UBLCP1: variants seen among roughly 807,000 people sequenced by gnomAD.
UBLCP1 encodes ubiquitin like domain containing CTD phosphatase 1, also known as ubiquitin-like domain-containing CTD phosphatase 1.
A neutral mutation model predicts 42.4 loss-of-function variants in UBLCP1; 28 were observed. The ratio of observed to expected loss-of-function variants is 0.66; its 90% CI spans 0.49 to 0.90. The LOEUF (loss-of-function observed/expected upper bound fraction) is 0.90, where lower values mean the gene tolerates loss of function less well. UBLCP1 is among the 40% of genes least tolerant of loss of function. The probability of loss-of-function intolerance (pLI) is 0.00; values close to 1 mark genes in which losing one functional copy is unlikely to be tolerated. For missense variants in UBLCP1, 279 were observed against 374.5 expected (o/e 0.75, Z 2.10); for synonymous variants, 122 against 120.8 (o/e 1.01, Z -0.07).
chr5:159,275,406 T>A, intron 8 of UBLCP1, 160 bp downstream of exon 8: 12 of 170,726 alleles, frequency 7.0e-5, no homozygotes, highest in East Asian at 2.8e-4. Flanking sequence ...TTAAAAGATT[T>A]TTTTTTTTTT....
At chr5:159,268,033 G>C (rs1753419490) in intron 1 of UBLCP1, among the ~76,000 whole-genome samples, 1 of 151,430 alleles carries the variant, frequency 6.6e-6, no homozygotes, top group Non-Finnish European at 1.5e-5. Flanking sequence ...ATAAGATTTA[G>C]TCAGAAGACC....
chr5:159,281,857 T>G (rs1454706295), intron 9 of UBLCP1, among the ~76,000 whole-genome samples: 1 of 102,136 alleles, frequency 9.8e-6, no homozygotes, highest in Non-Finnish European at 2.0e-5. Flanking sequence ...TAATAACTAA[T>G]GACCAAAAAA....
In UBLCP1 at chr5:159,275,157, G is replaced by A. The variant is rs1753517870; in HGVS notation, c.595G>A (p.Val199Met). The change falls in exon 8 of 11, where the codon GTG becomes ATG. Residue 199 changes from valine to methionine, a missense_variant. Transcript: ENST00000296786. ...WIEAKMKELGVSTNANYKITF... is the reference protein window; with the variant it reads ...WIEAKMKELGMSTNANYKITF... ...ATATTTGTGTTTATAGGAGCTGGGAGTGAGCACAAATGCAAATTATAAGAT... is the reference window on the plus strand; with the variant it reads ...ATATTTGTGTTTATAGGAGCTGGGAATGAGCACAAATGCAAATTATAAGAT... 1 of 1,612,898 alleles carries A rather than the reference G, an allele frequency of 6.2e-7. No individual in the cohort carries two copies. The highest frequency in any genetic ancestry group is 1.7e-5 in the Admixed American group (1 of 60,000).
intron 9 of UBLCP1, among the ~76,000 whole-genome samples, chr5:159,282,531 C>T (rs1217037832): frequency 6.6e-6 from 1 of 152,078 alleles, no homozygotes; most frequent in African/African-American, 2.4e-5. Flanking sequence ...TAATTGCAGT[C>T]CCCTACCTCG....
At chr5:159,266,825 G>A (rs989271020) in intron 1 of UBLCP1, among the ~76,000 whole-genome samples, 6 of 152,234 alleles carry the variant, frequency 3.9e-5, no homozygotes, top group African/African-American at 1.4e-4. Context: ...TCAAGCCTTG[G>A]TAGCTTCCAT....
At chr5:159,270,882 GT>G (rs1448109065) in intron 5 of UBLCP1, among the ~76,000 whole-genome samples, 1 of 126,164 alleles carries the variant, frequency 7.9e-6, no homozygotes, top group African/African-American at 2.8e-5. Flanking sequence ...CTTTTAGACT[GT>G]TTGTATGGAT....
In UBLCP1 at chr5:159,278,313, A is replaced by G. The variant is rs1562100829; in HGVS notation, c.760A>G (p.Ile254Val). 1 of 1,613,896 alleles carries G rather than the reference A, an allele frequency of 6.2e-7. No individual in the cohort carries two copies. The highest frequency in any genetic ancestry group is 1.1e-5 in the South Asian group (1 of 91,074). The stretch of plus-strand genomic sequence containing the variant: ...GAAAAACACCATTATGTTTGATGAC[A>G]TAGGGAGAAATTTTCTAATGAACCC... ...SKKNTIMFDDIGRNFLMNPQN... is the reference protein window; with the variant it reads ...SKKNTIMFDDVGRNFLMNPQN... The change falls in exon 9 of 11, where the codon ATA becomes GTA. Residue 254 changes from isoleucine to valine, a missense_variant. Coordinates refer to ENST00000296786, the MANE Select transcript of UBLCP1 (RefSeq NM_145049.5).
chr5:159,277,171 G>A (rs1004736494), intron 8 of UBLCP1, among the ~76,000 whole-genome samples: 1 of 151,616 alleles, frequency 6.6e-6, no homozygotes, highest in East Asian at 1.9e-4. Flanking sequence ...TTCATTTCGT[G>A]GGGGGAGTAG....
intron 8 of UBLCP1, among the ~76,000 whole-genome samples, chr5:159,277,516 A>G (rs943265750): frequency 1.3e-5 from 2 of 152,180 alleles, no homozygotes; most frequent in Non-Finnish European, 2.9e-5. Flanking sequence ...AAAAAATAGT[A>G]AAGTACATAA....
At position 159,266,665 on chromosome 5, in the gene UBLCP1, C is replaced by T. The variant is rs1753397639; in HGVS notation, c.-46-2205C>T. ...CCCCTCCCAGCACAGGCCCGGAGGC[C>T]CAGGAAGGAAAAAAGGTTTCGTGGG... On this transcript the variant is annotated intron_variant, in intron 1 of 10. Coordinates refer to ENST00000296786, the MANE Select transcript of UBLCP1 (RefSeq NM_145049.5). Among the ~76,000 whole-genome samples the T allele has an allele frequency of 1.3e-5, 2 of 152,278 alleles. 1 individual carries two copies. The highest frequency in any genetic ancestry group is 4.1e-4 in the South Asian group (2 of 4,828).
At chr5:159,280,594 G>C (rs935799883) in intron 9 of UBLCP1, among the ~76,000 whole-genome samples, 1 of 152,190 alleles carries the variant, frequency 6.6e-6, no homozygotes, top group African/African-American at 2.4e-5. Context: ...GAGCCACTGC[G>C]CCCAGCCCAG....
chr5:159,273,771 G>A (rs1458579256), intron 6 of UBLCP1, among the ~76,000 whole-genome samples: 1 of 150,746 alleles, frequency 6.6e-6, no homozygotes, highest in Non-Finnish European at 1.5e-5. Flanking sequence ...CTGTTTTTTT[G>A]TATGTGTGCA....
At chr5:159,272,810 TC>T (rs1753486584) in intron 6 of UBLCP1, among the ~76,000 whole-genome samples, 1 of 152,228 alleles carries the variant, frequency 6.6e-6, no homozygotes, top group African/African-American at 2.4e-5. Context: ...CTGAGTTTGT[TC>T]CAAGAAGTAA....
At chr5:159,278,664 C>A (rs1029162649) in intron 9 of UBLCP1, among the ~76,000 whole-genome samples, 1 of 152,090 alleles carries the variant, frequency 6.6e-6, no homozygotes, top group Admixed American at 6.6e-5. Flanking sequence ...TCTCCACCTC[C>A]TGGGTTCAAG....
intron 7 of UBLCP1, 21 bp from the exon 8 acceptor site, chr5:159,275,127 C>G (rs374053320): frequency 1.0e-5 from 16 of 1,602,834 alleles, no homozygotes; most frequent in Non-Finnish European, 1.3e-5. Flanking sequence ...GTTTTAACCT[C>G]ACAAATATTT....
intron 2 of UBLCP1, 65 bp downstream of exon 2, chr5:159,269,134 T>C (rs1753434050): frequency 8.2e-7 from 1 of 1,219,540 alleles, no homozygotes; most frequent in African/African-American, 1.6e-5. Flanking sequence ...TTAATAATTA[T>C]TTTGAATATA....
intron 8 of UBLCP1, 168 bp downstream of exon 8, chr5:159,275,414 T>C: frequency 2.2e-6 from 1 of 452,876 alleles, no homozygotes; most frequent in Admixed American, 4.1e-5. Flanking sequence ...TTTTTTTTTT[T>C]TTTTTTTTTT....
At chr5:159,271,623 T>C (rs2113313724) in intron 5 of UBLCP1, among the ~76,000 whole-genome samples, 1 of 152,346 alleles carries the variant, frequency 6.6e-6, no homozygotes, top group East Asian at 1.9e-4. Context: ...AATTAATTGG[T>C]TAATTGGCCT....
rs1491169745 is a variant in UBLCP1 at position 159,285,244 on chromosome 5, A to ACACACACACACACACACACAC, written c.*313_*314insCACACACACACACACACACAC. On this transcript the variant is annotated 3_prime_UTR_variant, in exon 11 of 11. Coordinates refer to ENST00000296786, the MANE Select transcript of UBLCP1 (RefSeq NM_145049.5). The stretch of plus-strand genomic sequence containing the variant: ...CACACACACACACACACACACACAC[A>ACACACACACACACACACACAC]AAGTGGAGAAAAATGTATACTCAAC... 1 of 137,468 alleles carries ACACACACACACACACACACAC rather than the reference A, an allele frequency of 7.3e-6. No homozygotes were observed. The highest frequency in any genetic ancestry group is 1.5e-5 in the Non-Finnish European group (1 of 67,584). The allele number at this position is 137,468 out of a possible 1,614,324, so 8.5% of individuals were successfully genotyped here. A position where few individuals can be genotyped will look rare whatever the true frequency, so the allele number is the denominator to read the frequency against.
Sources: gnomAD v4.1 joint callset for allele counts (sites outside exome capture counted in the v4.1 genomes callset) on GRCh38, gnomAD v4.1.1 for gene constraint, MANE v1.5 for transcripts, NCBI Gene and HGNC (gene_info 2026-07-23, HGNC 2026-07-21) for gene names.